Variants in WDR70 observed in about 807,000 individuals in gnomAD.
WDR70 encodes WD repeat-containing protein 70.
In WDR70, 53 loss-of-function variants were observed where a neutral mutation model predicts 88.6. That is an observed-to-expected ratio of 0.60 (90% CI 0.48 to 0.75). The LOEUF is 0.75. Among genes scored for constraint, WDR70 ranks in the 30% least tolerant of loss-of-function variants. The pLI is 0.00. For missense variants in WDR70, 610 were observed against 823.2 expected (o/e 0.74, Z 3.17); for synonymous variants, 280 against 270.0 (o/e 1.04, Z -0.36).
chr5:37,746,926 G>A (rs1209510509), intron 17 of WDR70, among the ~76,000 whole-genome samples: 1 of 152,126 alleles, frequency 6.6e-6, no homozygotes, highest in African/African-American at 2.4e-5. Flanking sequence ...TATGAAGCCA[G>A]CATCATCTTG....
At chr5:37,588,503 G>A (rs922873668) in intron 9 of WDR70, among the ~76,000 whole-genome samples, 5 of 151,728 alleles carry the variant, frequency 3.3e-5, no homozygotes, top group African/African-American at 9.7e-5. Flanking sequence ...CCTCCCCTTC[G>A]CTCATCTTCC....
At chr5:37,744,143 G>A (rs898615713) in intron 17 of WDR70, among the ~76,000 whole-genome samples, 5 of 152,148 alleles carry the variant, frequency 3.3e-5, no homozygotes, top group Non-Finnish European at 5.9e-5. Context: ...AATGGAGCCT[G>A]AAGTGAACCC....
chr5:37,691,283 A>G (rs1442270009), intron 10 of WDR70, among the ~76,000 whole-genome samples: 10 of 152,164 alleles, frequency 6.6e-5, no homozygotes, highest in Admixed American at 6.5e-4. Flanking sequence ...TTAACACCCC[A>G]CTGTCAATGT....
intron 7 of WDR70, among the ~76,000 whole-genome samples, chr5:37,457,195 A>G (rs1252985032): frequency 6.6e-6 from 1 of 152,140 alleles, no homozygotes; most frequent in Non-Finnish European, 1.5e-5. Flanking sequence ...TCCTGGGTTC[A>G]AGCAATTCTC....
At chr5:37,497,346 T>G (rs1293381892) in intron 8 of WDR70, among the ~76,000 whole-genome samples, 1 of 129,952 alleles carries the variant, frequency 7.7e-6, no homozygotes, top group Non-Finnish European at 1.6e-5. Context: ...CCCTTCCCTC[T>G]TCCCTTCTCT....
intron 6 of WDR70, among the ~76,000 whole-genome samples, chr5:37,442,037 T>A (rs1272520602): frequency 8.8e-5 from 1 of 11,366 alleles, no homozygotes; most frequent in Non-Finnish European, 2.8e-3. Flanking sequence ...AAAGCAATTT[T>A]TTTTTTTTTT....
chr5:37,644,667 T>C (rs966473192), intron 10 of WDR70, among the ~76,000 whole-genome samples: 3 of 152,040 alleles, frequency 2.0e-5, no homozygotes, highest in African/African-American at 7.2e-5. Flanking sequence ...GTTATTGTTC[T>C]GTTCAGATTT....
chr5:37,381,550 T>G (rs1748424185), intron 2 of WDR70, 52 bp from the exon 3 acceptor site: 12 of 1,528,260 alleles, frequency 7.9e-6, no homozygotes, highest in Non-Finnish European at 1.1e-5. Context: ...CACCTAAAGT[T>G]TGGCCAACTT....
intron 7 of WDR70, among the ~76,000 whole-genome samples, chr5:37,468,685 A>G (rs892305437): frequency 2.6e-5 from 4 of 152,220 alleles, no homozygotes; most frequent in Admixed American, 2.0e-4. Context: ...ATAGGACACC[A>G]GAACTTATTC....
At chr5:37,735,876 A>G (rs571235936) in intron 17 of WDR70, among the ~76,000 whole-genome samples, 1 of 152,288 alleles carries the variant, frequency 6.6e-6, no homozygotes, top group South Asian at 2.1e-4. Context: ...ACATTCCACA[A>G]ATGTGCCTGC....
chr5:37,658,209 C>T (rs963050484), intron 10 of WDR70, among the ~76,000 whole-genome samples: 4 of 151,106 alleles, frequency 2.6e-5, no homozygotes, highest in Admixed American at 6.6e-5. Flanking sequence ...CTTGCTGTCT[C>T]GGGGGTAGCA....
intron 9 of WDR70, among the ~76,000 whole-genome samples, chr5:37,554,160 T>G (rs896662908): frequency 6.6e-6 from 1 of 151,460 alleles, no homozygotes; most frequent in South Asian, 2.1e-4. Context: ...TTAGCCAGCA[T>G]TACCAAAGAC....
intron 10 of WDR70, among the ~76,000 whole-genome samples, chr5:37,653,425 T>A (rs1237428924): frequency 6.6e-6 from 1 of 152,108 alleles, no homozygotes; most frequent in African/African-American, 2.4e-5. Context: ...CTCTGCCAGG[T>A]TTTGGTATCA....
At chr5:37,590,411 A>G (rs1017731538) in intron 9 of WDR70, among the ~76,000 whole-genome samples, 2 of 151,994 alleles carry the variant, frequency 1.3e-5, no homozygotes, top group African/African-American at 4.8e-5. Flanking sequence ...TAGTTGGGAG[A>G]GTGTGTTTTG....
intron 10 of WDR70, among the ~76,000 whole-genome samples, chr5:37,694,263 G>A (rs886406464): frequency 9.2e-5 from 14 of 152,182 alleles, no homozygotes; most frequent in Admixed American, 2.0e-4. Context: ...GTTTAAATTA[G>A]TTTAACCATT....
chr5:37,555,215 G>A (rs12152831), intron 9 of WDR70, among the ~76,000 whole-genome samples: 62,464 of 152,032 alleles, frequency 0.41, 14,987 homozygotes, highest in Non-Finnish European at 0.54. Flanking sequence ...TTAGTATAAC[G>A]TAGTGATATG....
At chr5:37,557,959 T>TTTGAAAACTCTTCAAAAGAGA in intron 9 of WDR70, among the ~76,000 whole-genome samples, 16 of 146,608 alleles carry the variant, frequency 1.1e-4, no homozygotes, top group African/African-American at 2.0e-4. Context: ...AAAAGAGTAT[T>TTTGAAAACTCTTCAAAAGAGA]ATGTATATTT....
chr5:37,610,948 T>G (rs1744175284), intron 10 of WDR70, among the ~76,000 whole-genome samples: 1 of 152,178 alleles, frequency 6.6e-6, no homozygotes, highest in African/African-American at 2.4e-5. Context: ...AAAACAGTCT[T>G]GAATCTTCTC....
chr5:37,649,505 T>C (rs1745332470), intron 10 of WDR70, among the ~76,000 whole-genome samples: 1 of 150,134 alleles, frequency 6.7e-6, no homozygotes, highest in African/African-American at 2.5e-5. Flanking sequence ...CGGATTATCA[T>C]AAAAATTGAG....
Sources: allele counts gnomAD v4.1 joint callset (sites outside exome capture counted in the v4.1 genomes callset), GRCh38; gene constraint gnomAD v4.1.1; transcripts MANE v1.5; gene names NCBI Gene and HGNC (gene_info 2026-07-23, HGNC 2026-07-21).